The following ZPBP variants were observed in gnomAD, a reference collection of about 807,000 sequenced individuals.
ZPBP encodes zona pellucida binding protein, also known as zona pellucida-binding protein 1.
In ZPBP, 26 loss-of-function variants were observed where a neutral mutation model predicts 44.8. The ratio of observed to expected loss-of-function variants is 0.58; its 90% CI spans 0.43 to 0.81. The LOEUF is 0.81. ZPBP is among the 30% of genes least tolerant of loss of function. The probability of loss-of-function intolerance (pLI) is 0.00; values close to 1 mark genes in which losing one functional copy is unlikely to be tolerated. For missense variants in ZPBP, 409 were observed against 434.0 expected (o/e 0.94, Z 0.51); for synonymous variants, 174 against 153.2 (o/e 1.14, Z -1.00).
intron 2 of ZPBP, among the ~76,000 whole-genome samples, chr7:50,087,932 T>C (rs1448095192): frequency 6.6e-6 from 1 of 151,990 alleles, no homozygotes; most frequent in Non-Finnish European, 1.5e-5. Flanking sequence ...GACAAGCTGA[T>C]TCTAGAATTA....
At chr7:50,073,444 G>A (rs1801942705) in intron 3 of ZPBP, among the ~76,000 whole-genome samples, 1 of 152,048 alleles carries the variant, frequency 6.6e-6, no homozygotes, top group African/African-American at 2.4e-5. Context: ...CAGTTAATTG[G>A]CCTTAATGAG....
chr7:49,940,526 T>C (rs921382535), intron 7 of ZPBP, among the ~76,000 whole-genome samples: 1 of 151,854 alleles, frequency 6.6e-6, no homozygotes, highest in African/African-American at 2.4e-5. Context: ...GAACTTCCAG[T>C]GAACTAGGAA....
At chr7:49,900,813 GA>G (rs1792683744) in intron 2 of ZPBP, among the ~76,000 whole-genome samples, 1 of 151,732 alleles carries the variant, frequency 6.6e-6, no homozygotes, top group African/African-American at 2.4e-5. Flanking sequence ...TACAAGAAAG[GA>G]AAACTAAAGA....
At chr7:49,847,323 T>C (rs1337535964), downstream of ZPBP, among the ~76,000 whole-genome samples, 1 of 151,998 alleles carries the variant, frequency 6.6e-6, no homozygotes, top group Non-Finnish European at 1.5e-5. Context: ...TCTTTAATCC[T>C]CTATTTCTGA....
At chr7:49,919,053 T>TAA (rs34882788) in intron 1 of ZPBP, 20,698 of 143,244 alleles carry the variant, frequency 0.14, 1,603 homozygotes, top group South Asian at 0.21. Flanking sequence ...AGACTCTGTT[T>TAA]AAAAAAAAAA....
chr7:50,025,019 TA>T (rs1386700999), intron 5 of ZPBP, among the ~76,000 whole-genome samples: 20 of 151,820 alleles, frequency 1.3e-4, no homozygotes, highest in Admixed American at 1.3e-3. Context: ...GTACTTGTAA[TA>T]AACAACTGTA....
At chr7:50,001,458 G>A (rs930975892) in intron 6 of ZPBP, among the ~76,000 whole-genome samples, 2 of 152,082 alleles carry the variant, frequency 1.3e-5, no homozygotes, top group Non-Finnish European at 1.5e-5. Context: ...ACATATAGGT[G>A]GGGGAAAAAA....
At chr7:50,021,102 C>A (rs1178074913) in intron 5 of ZPBP, among the ~76,000 whole-genome samples, 8 of 151,030 alleles carry the variant, frequency 5.3e-5, no homozygotes, top group African/African-American at 1.9e-4. Context: ...GCAAAGTTTT[C>A]AAAAAAAATA....
chr7:49,852,522 G>A (rs911637502), intron 2 of ZPBP, among the ~76,000 whole-genome samples: 1 of 152,076 alleles, frequency 6.6e-6, no homozygotes, highest in South Asian at 2.1e-4. Context: ...CTTAAAATTG[G>A]GGGGGCAGAA....
chr7:49,975,251 G>A (rs1796456925), intron 7 of ZPBP, among the ~76,000 whole-genome samples: 1 of 152,144 alleles, frequency 6.6e-6, no homozygotes, highest in Non-Finnish European at 1.5e-5. Flanking sequence ...TGTCACTCGT[G>A]CTAACTGGCA....
intron 5 of ZPBP, among the ~76,000 whole-genome samples, chr7:50,020,507 C>T (rs1777869877): frequency 6.6e-6 from 1 of 152,092 alleles, no homozygotes; most frequent in African/African-American, 2.4e-5. Flanking sequence ...TCCATCCCCA[C>T]CATATCAGGC....
At chr7:49,898,847 T>C (rs1047641404) in intron 2 of ZPBP, among the ~76,000 whole-genome samples, 2 of 151,936 alleles carry the variant, frequency 1.3e-5, no homozygotes, top group Non-Finnish European at 1.5e-5. Flanking sequence ...AAAGGAAATA[T>C]ACCATGTATG....
chr7:49,847,518 G>A (rs926410546), downstream of ZPBP, among the ~76,000 whole-genome samples: 1 of 151,972 alleles, frequency 6.6e-6, no homozygotes, highest in African/African-American at 2.4e-5. Flanking sequence ...TTTATTATTG[G>A]GTATGGTAAG....
chr7:50,000,348 T>C (rs187515243), intron 6 of ZPBP, among the ~76,000 whole-genome samples: 116 of 152,294 alleles, frequency 7.6e-4, no homozygotes, highest in African/African-American at 2.6e-3. Flanking sequence ...CAGGGTCAAT[T>C]AAATACTCTG....
At chr7:49,915,291 C>A (rs924519448) in intron 1 of ZPBP, 2 of 152,164 alleles carry the variant, frequency 1.3e-5, no homozygotes, top group Non-Finnish European at 2.9e-5. Context: ...GATGGAGAGG[C>A]ACAGTGTCCT....
intron 3 of ZPBP, among the ~76,000 whole-genome samples, chr7:50,065,049 C>A (rs908329605): frequency 3.9e-5 from 6 of 152,216 alleles, no homozygotes; most frequent in Non-Finnish European, 7.4e-5. Flanking sequence ...CGTTCTTCTG[C>A]CATGGCTTCA....
chr7:49,943,588 T>C (rs1270164860), intron 7 of ZPBP: 2 of 370,636 alleles, frequency 5.4e-6, no homozygotes, highest in East Asian at 7.7e-5. Flanking sequence ...AAGACTTGCA[T>C]GGAAAGCAAG....
At chr7:49,938,333 A>T (rs1460505947) in intron 7 of ZPBP, among the ~76,000 whole-genome samples, 2 of 152,168 alleles carry the variant, frequency 1.3e-5, no homozygotes, top group African/African-American at 4.8e-5. Context: ...ATTCAGTTTG[A>T]TCATCCCTAA....
At chr7:49,931,809 T>C (rs750869743) in intron 1 of ZPBP, among the ~76,000 whole-genome samples, 43 of 152,138 alleles carry the variant, frequency 2.8e-4, no homozygotes, top group Non-Finnish European at 5.9e-4. Flanking sequence ...CCTGGAGGCC[T>C]AGGAGGAAAA....
Sources: gnomAD v4.1 joint callset for allele counts (sites outside exome capture counted in the v4.1 genomes callset) on GRCh38, gnomAD v4.1.1 for gene constraint, MANE v1.5 for transcripts, NCBI Gene and HGNC (gene_info 2026-07-23, HGNC 2026-07-21) for gene names.